Variants in KIAA1328 observed in about 807,000 individuals in gnomAD.
The protein encoded by KIAA1328 is protein hinderin.
KIAA1328 carries 52 observed loss-of-function variants against 68.1 expected under a neutral mutation model. The ratio of observed to expected loss-of-function variants is 0.76; its 90% CI spans 0.61 to 0.96. The LOEUF is 0.96. Ranked by LOEUF, KIAA1328 falls within the 40% of genes least tolerant of loss-of-function variation. KIAA1328 has a pLI of 0.00. For missense variants in KIAA1328, 641 were observed against 677.6 expected (o/e 0.95, Z 0.60); for synonymous variants, 232 against 239.4 (o/e 0.97, Z 0.28).
intron 4 of KIAA1328, among the ~76,000 whole-genome samples, chr18:36,878,705 T>C (rs1382745365): frequency 1.3e-5 from 2 of 152,130 alleles, no homozygotes; most frequent in African/African-American, 2.4e-5. Context: ...GGAGGCTTTG[T>C]TCGTTTCTTT....
intron 7 of KIAA1328, among the ~76,000 whole-genome samples, chr18:37,140,464 T>C (rs1474829469): frequency 2.1e-4 from 32 of 152,236 alleles, no homozygotes; most frequent in Admixed American, 2.1e-3. Context: ...ACTATCGCGA[T>C]ATAAGATTTG....
At chr18:37,011,181 C>G (rs1434666531) in intron 6 of KIAA1328, among the ~76,000 whole-genome samples, 1 of 151,978 alleles carries the variant, frequency 6.6e-6, no homozygotes. Context: ...AGATTCTGCC[C>G]TAAAGGGTTT....
downstream of KIAA1328, chr18:37,229,735 A>C: frequency 6.4e-6 from 2 of 311,094 alleles, no homozygotes; most frequent in South Asian, 6.1e-5. Flanking sequence ...AAATACAAAA[A>C]ATTACCTGAG....
chr18:37,084,193 A>G, intron 7 of KIAA1328: 1 of 1,527,046 alleles, frequency 6.5e-7, no homozygotes, highest in Non-Finnish European at 8.7e-7. Context: ...AAACCCCAAG[A>G]ACTCAAACTG....
intron 6 of KIAA1328, among the ~76,000 whole-genome samples, chr18:37,021,679 T>C (rs2151531177): frequency 1.3e-5 from 2 of 152,278 alleles, no homozygotes; most frequent in African/African-American, 2.4e-5. Flanking sequence ...TCTCCTCTCT[T>C]GGCTTTGGAA....
intron 7 of KIAA1328, among the ~76,000 whole-genome samples, chr18:37,105,874 T>C (rs1309875746): frequency 2.6e-5 from 3 of 116,922 alleles, no homozygotes; most frequent in Non-Finnish European, 4.8e-5. Flanking sequence ...AAGAGATTGC[T>C]CCACTGCGCT....
At position 37,047,464 on chromosome 18, in the gene KIAA1328, G is replaced by T. The variant is rs559023640; in HGVS notation, c.577-19426G>T. ...ATACTGGCTCCTTCCTAAAATTTTG[G>T]CTGCATCTATTTGCCATTGCCCTGT... is the stretch of plus-strand genomic sequence containing the variant. On this transcript the variant is annotated intron_variant, in intron 6 of 9. Coordinates refer to ENST00000280020, the MANE Select transcript of KIAA1328 (RefSeq NM_020776.3). 1.4e-4 allele frequency among the ~76,000 whole-genome samples: 22 copies of T among 152,004 alleles called. 1 individual carries two copies. The highest frequency in any genetic ancestry group is 3.3e-4 in the Admixed American group (5 of 15,260).
intron 8 of KIAA1328, among the ~76,000 whole-genome samples, chr18:37,165,582 G>A (rs1409756013): frequency 1.3e-5 from 2 of 149,084 alleles, no homozygotes; most frequent in Non-Finnish European, 3.0e-5. Context: ...ACCACACCCG[G>A]CTAATTTTTT....
intron 6 of KIAA1328, among the ~76,000 whole-genome samples, chr18:37,038,606 G>T (rs907141314): frequency 6.6e-6 from 1 of 151,922 alleles, no homozygotes; most frequent in African/African-American, 2.4e-5. Flanking sequence ...GTTTCATTTT[G>T]TTTATAGATT....
chr18:36,994,509 C>T (rs1213601053), intron 6 of KIAA1328, among the ~76,000 whole-genome samples: 1 of 152,082 alleles, frequency 6.6e-6, no homozygotes, highest in African/African-American at 2.4e-5. Flanking sequence ...TAGGTGAGAA[C>T]CACTCATCTC....
intron 7 of KIAA1328, among the ~76,000 whole-genome samples, chr18:37,076,019 A>G (rs1448376510): frequency 6.6e-6 from 1 of 152,002 alleles, no homozygotes; most frequent in Admixed American, 6.6e-5. Flanking sequence ...CCCCAAATCA[A>G]CAGAATATAC....
At chr18:37,177,990 C>A (rs2059626994) in intron 9 of KIAA1328, among the ~76,000 whole-genome samples, 1 of 152,050 alleles carries the variant, frequency 6.6e-6, no homozygotes. Flanking sequence ...AAAATCCTCT[C>A]TTCTAGTTAT....
chr18:36,890,553 C>T (rs1041856383), intron 5 of KIAA1328, among the ~76,000 whole-genome samples: 2 of 152,020 alleles, frequency 1.3e-5, no homozygotes, highest in Admixed American at 6.6e-5. Flanking sequence ...TGCCTGTGGT[C>T]CCAACTACTC....
At chr18:37,036,994 A>G (rs1159368051) in intron 6 of KIAA1328, among the ~76,000 whole-genome samples, 1 of 152,126 alleles carries the variant, frequency 6.6e-6, no homozygotes, top group East Asian at 1.9e-4. Context: ...TCTTGTAGTA[A>G]TTTTTTGAAT....
chr18:37,057,034 G>A (rs2055937541), intron 6 of KIAA1328, among the ~76,000 whole-genome samples: 1 of 151,958 alleles, frequency 6.6e-6, no homozygotes, highest in Non-Finnish European at 1.5e-5. Flanking sequence ...AATACAGTTT[G>A]TTTTTGTAGC....
At chr18:36,983,865 G>A (rs1381954031) in intron 6 of KIAA1328, among the ~76,000 whole-genome samples, 2 of 152,170 alleles carry the variant, frequency 1.3e-5, no homozygotes, top group East Asian at 3.9e-4. Flanking sequence ...AAAATTTTTA[G>A]CAAATCAAAT....
chr18:37,128,595 G>C (rs976741681), intron 7 of KIAA1328, among the ~76,000 whole-genome samples: 4 of 152,104 alleles, frequency 2.6e-5, no homozygotes, highest in African/African-American at 9.7e-5. Context: ...AATAGTTTGG[G>C]AAGTTTTAAT....
chr18:36,927,304 T>G (rs1411664795), intron 5 of KIAA1328, among the ~76,000 whole-genome samples: 1 of 152,206 alleles, frequency 6.6e-6, no homozygotes, highest in Non-Finnish European at 1.5e-5. Flanking sequence ...CTTTGCAACT[T>G]TTTTGTTATG....
intron 4 of KIAA1328, among the ~76,000 whole-genome samples, chr18:36,869,223 C>T (rs1601064663): frequency 1.3e-5 from 2 of 152,192 alleles, no homozygotes; most frequent in South Asian, 2.1e-4. Flanking sequence ...ACACTATAGG[C>T]AGTATGCCAA....
Sources: allele counts gnomAD v4.1 joint callset (sites outside exome capture counted in the v4.1 genomes callset), GRCh38; gene constraint gnomAD v4.1.1; transcripts MANE v1.5; gene names NCBI Gene and HGNC (gene_info 2026-07-23, HGNC 2026-07-21).